Variants in ARVCF observed in about 807,000 individuals in gnomAD.
The protein encoded by ARVCF is splicing regulator ARVCF.
In ARVCF, 66 loss-of-function variants were observed where a neutral mutation model predicts 90.9. The ratio of observed to expected loss-of-function variants is 0.73; its 90% CI spans 0.60 to 0.89. The LOEUF (loss-of-function observed/expected upper bound fraction) is 0.89, where lower values mean the gene tolerates loss of function less well. Among genes scored for constraint, ARVCF ranks in the 40% least tolerant of loss-of-function variants. The pLI is 0.00. For synonymous variants in ARVCF, 653 were observed against 603.4 expected, an observed-to-expected ratio of 1.08 and a Z score of -1.21; for missense variants, 1,469 against 1,382.3, an observed-to-expected ratio of 1.06 and a Z score of -1.00.
Position 19,973,811 on chromosome 22 carries a change from G to T in ARVCF, c.2089-18C>A. Reference sequence around the variant, plus strand: ...GTGGCCCACTGCGGAGGCGGGGAGAGGGTTGCTCAGACATACATGCCAGGC... The same window carrying T: ...GTGGCCCACTGCGGAGGCGGGGAGATGGTTGCTCAGACATACATGCCAGGC... On this transcript the variant is annotated intron_variant, in intron 12 of 19. Coordinates refer to ENST00000263207, the MANE Select transcript of ARVCF (RefSeq NM_001670.3). The T allele has an allele frequency of 6.3e-7, 1 of 1,594,982 alleles. No homozygotes were observed. Among genetic ancestry groups the T allele is most frequent in the Non-Finnish European group, 8.5e-7 (1 of 1,173,522 alleles).
At chr22:19,971,084 T>C in intron 19 of ARVCF, 132 bp downstream of exon 19, 1 of 1,447,066 alleles carries the variant, frequency 6.9e-7, no homozygotes, top group Non-Finnish European at 9.4e-7. Context: ...GCCACTGGGC[T>C]GCTGGACTGG....
rs1468140091 is a variant in ARVCF at position 19,975,765 on chromosome 22, G to A, written c.1889-8C>T. 6.2e-7 allele frequency: 1 copy of A among 1,613,408 alleles called. No individual in the cohort carries two copies. The highest frequency in any genetic ancestry group is 8.5e-7 in the Non-Finnish European group (1 of 1,179,930). ...TCTCACCATCCTTCTTTCCTGGAAGGGAAAGGTGGTGGGAGGTGAGGCAGA... is the reference window on the plus strand; with the variant it reads ...TCTCACCATCCTTCTTTCCTGGAAGAGAAAGGTGGTGGGAGGTGAGGCAGA... On this transcript the variant is annotated splice_polypyrimidine_tract_variant and splice_region_variant and intron_variant, in intron 10 of 19. Transcript: ENST00000263207.
chr22:19,987,655 C>T (rs897546393), intron 3 of ARVCF, among the ~76,000 whole-genome samples: 9 of 151,994 alleles, frequency 5.9e-5, no homozygotes, highest in Non-Finnish European at 1.3e-4. Context: ...AAATGGGGGC[C>T]GATGAGACAG....
At chr22:20,003,475 C>CA (rs1460162381) in intron 2 of ARVCF, among the ~76,000 whole-genome samples, 8 of 151,876 alleles carry the variant, frequency 5.3e-5, no homozygotes, top group Non-Finnish European at 1.2e-4. Flanking sequence ...AACAAACAAA[C>CA]AAAAAAACAC....
chr22:20,013,193 C>T (rs1490008681), intron 1 of ARVCF, among the ~76,000 whole-genome samples: 1 of 152,266 alleles, frequency 6.6e-6, no homozygotes, highest in Non-Finnish European at 1.5e-5. Flanking sequence ...GAGTGTTCTC[C>T]TAGGCCTGCT....
intron 3 of ARVCF, among the ~76,000 whole-genome samples, chr22:19,983,461 T>C (rs1200533430): frequency 1.3e-5 from 2 of 152,174 alleles, no homozygotes; most frequent in African/African-American, 4.8e-5. Context: ...GGTCCTATCC[T>C]GGGGGAATAC....
At chr22:20,001,656 A>T (rs529470130) in intron 2 of ARVCF, among the ~76,000 whole-genome samples, 1 of 152,114 alleles carries the variant, frequency 6.6e-6, no homozygotes, top group South Asian at 2.1e-4. Context: ...ATACAAACAA[A>T]ATTAGCTGGG....
At chr22:19,987,115 C>G (rs1002345919) in intron 3 of ARVCF, 1 of 541,786 alleles carries the variant, frequency 1.8e-6, no homozygotes, top group Non-Finnish European at 3.4e-6. Flanking sequence ...TCGGGGGGCG[C>G]TGGCCAGCAG....
chr22:20,015,073 G>A (rs1944979060), intron 1 of ARVCF, among the ~76,000 whole-genome samples: 1 of 152,158 alleles, frequency 6.6e-6, no homozygotes, highest in Non-Finnish European at 1.5e-5. Context: ...CAGGATTGAG[G>A]GTCAGAACTT....
intron 19 of ARVCF, 49 bp from the exon 20 acceptor site, chr22:19,970,792 G>A (rs747334839): frequency 5.4e-6 from 7 of 1,294,060 alleles, no homozygotes; most frequent in Non-Finnish European, 7.1e-6. Context: ...GAGTGGCACA[G>A]GACCACGTGT....
chr22:19,997,453 C>T (rs1242990050), intron 2 of ARVCF, among the ~76,000 whole-genome samples: 1 of 152,208 alleles, frequency 6.6e-6, no homozygotes. Context: ...CCTTGGTCTC[C>T]TGAGACCTGC....
At chr22:19,988,286 C>G (rs1033526863) in intron 3 of ARVCF, among the ~76,000 whole-genome samples, 1 of 152,238 alleles carries the variant, frequency 6.6e-6, no homozygotes, top group Non-Finnish European at 1.5e-5. Flanking sequence ...ACTGGCTGGA[C>G]CCCTGTATCT....
At position 19,981,923 on chromosome 22, in the gene ARVCF, C is replaced by T; in HGVS notation, c.369+10G>A. Reference sequence around the variant, plus strand: ...CTGCTCACCCACCCACTGCCTGGGCCTGGCCATACCTTGGTCTCGGTGCGC... The same window carrying T: ...CTGCTCACCCACCCACTGCCTGGGCTTGGCCATACCTTGGTCTCGGTGCGC... On this transcript the variant is annotated intron_variant, in intron 4 of 19. Coordinates refer to ENST00000263207, the MANE Select transcript of ARVCF (RefSeq NM_001670.3). The T allele has an allele frequency of 1.9e-6, 3 of 1,611,442 alleles. No individual in the cohort carries two copies. The highest frequency in any genetic ancestry group is 2.5e-6 in the Non-Finnish European group (3 of 1,179,270).
chr22:19,988,721 T>C lies in ARVCF; in HGVS notation c.210+1864A>G, dbSNP rs527661180. On this transcript the variant is annotated intron_variant, in intron 3 of 19. Coordinates refer to ENST00000263207, the MANE Select transcript of ARVCF (RefSeq NM_001670.3). ...AGGTAGATCGCTAGGCACTTCCTAC[T>C]GAAACCAATCTGGGAAACCTGGCCA... is the stretch of plus-strand genomic sequence containing the variant. Among the ~76,000 whole-genome samples the C allele has an allele frequency of 3.6e-4, 55 of 152,322 alleles. 1 individual carries two copies. In the South Asian group the frequency reaches 8.9e-3, roughly 25 times the overall value.
intron 2 of ARVCF, among the ~76,000 whole-genome samples, chr22:20,005,266 C>T (rs367991589): frequency 2.6e-4 from 39 of 151,484 alleles, no homozygotes; most frequent in African/African-American, 8.0e-4. Flanking sequence ...GATATATAAA[C>T]GGCCAACAAG....
At chr22:19,968,766 C>T (rs1942580731), downstream of ARVCF, 1 of 1,593,740 alleles carries the variant, frequency 6.3e-7, no homozygotes, top group Non-Finnish European at 8.5e-7. Context: ...CTCGGGCTCT[C>T]TCACCCAGCC....
chr22:20,001,091 C>A (rs934995039), intron 2 of ARVCF, among the ~76,000 whole-genome samples: 1 of 152,184 alleles, frequency 6.6e-6, no homozygotes, highest in African/African-American at 2.4e-5. Context: ...GAAGTCCCGA[C>A]AGGCCCTTTG....
chr22:19,967,281 A>G (rs763359600), downstream of ARVCF: 3 of 1,180,420 alleles, frequency 2.5e-6, no homozygotes, highest in East Asian at 5.7e-5. Context: ...CCCCTCACTC[A>G]TGCATTCCCT....
intron 2 of ARVCF, among the ~76,000 whole-genome samples, chr22:20,008,151 C>T (rs1373948730): frequency 6.6e-6 from 1 of 152,162 alleles, no homozygotes; most frequent in Non-Finnish European, 1.5e-5. Flanking sequence ...CTTTAATATA[C>T]AAAGACTCAT....
Sources: gnomAD v4.1 joint callset for allele counts (sites outside exome capture counted in the v4.1 genomes callset) on GRCh38, gnomAD v4.1.1 for gene constraint, MANE v1.5 for transcripts, NCBI Gene and HGNC (gene_info 2026-07-23, HGNC 2026-07-21) for gene names.